The following DRC8 variants were observed in gnomAD, a reference collection of about 807,000 sequenced individuals.
DRC8 encodes the protein dynein regulatory complex subunit 8, also known as dynein regulatory complex protein 8.
the DRC8 span, among the ~76,000 whole-genome samples, chr1:245,005,712 T>G: frequency 6.6e-6 from 1 of 152,120 alleles, no homozygotes; most frequent in South Asian, 2.1e-4. Context: ...GTATGGAAAG[T>G]GAGACAAATA....
chr1:245,113,403 G>A, the DRC8 span, among the ~76,000 whole-genome samples: 2 of 152,154 alleles, frequency 1.3e-5, no homozygotes, highest in Admixed American at 1.3e-4. Flanking sequence ...ATATCGTCAC[G>A]TTACTCTGTT....
chr1:245,119,014 GGT>G, the DRC8 span, among the ~76,000 whole-genome samples: 1 of 152,168 alleles, frequency 6.6e-6, no homozygotes, highest in African/African-American at 2.4e-5. Flanking sequence ...GGCATTGTCT[GGT>G]TGCTGGTGGT....
chr1:245,033,844 C>T, the DRC8 span, among the ~76,000 whole-genome samples: 2 of 152,080 alleles, frequency 1.3e-5, no homozygotes, highest in Non-Finnish European at 2.9e-5. Context: ...GCCTCAGCCT[C>T]CCAAGTAGCT....
the DRC8 span, among the ~76,000 whole-genome samples, chr1:245,114,354 G>T: frequency 6.6e-6 from 1 of 151,938 alleles, no homozygotes; most frequent in Non-Finnish European, 1.5e-5. Flanking sequence ...AATCCCAGCT[G>T]CTTGGGAGGC....
At chr1:245,044,879 G>A in the DRC8 span, among the ~76,000 whole-genome samples, 1 of 151,896 alleles carries the variant, frequency 6.6e-6, no homozygotes, top group Non-Finnish European at 1.5e-5. Flanking sequence ...GGGATTACAG[G>A]TGTGAGCCAC....
At chr1:245,088,628 A>G in the DRC8 span, among the ~76,000 whole-genome samples, 74 of 152,348 alleles carry the variant, frequency 4.9e-4, no homozygotes, top group Admixed American at 1.3e-3. The surrounding 1 kb of genome is among the most constrained non-coding windows in gnomAD (Gnocchi z 4.6). Context: ...GGGCATGTTC[A>G]GGGTCCCGTG....
At chr1:245,065,314 A>G in the DRC8 span, among the ~76,000 whole-genome samples, 1 of 151,834 alleles carries the variant, frequency 6.6e-6, no homozygotes, top group Non-Finnish European at 1.5e-5. Context: ...CGGCCTCCCA[A>G]AGTGCTCGGA....
the DRC8 span, among the ~76,000 whole-genome samples, chr1:245,042,204 G>T: frequency 6.6e-6 from 1 of 152,198 alleles, no homozygotes; most frequent in Non-Finnish European, 1.5e-5. Flanking sequence ...GTGACCGTGT[G>T]GTTAAATTGT....
the DRC8 span, chr1:245,124,116 G>T: frequency 5.1e-6 from 1 of 194,400 alleles, no homozygotes; most frequent in Non-Finnish European, 1.1e-5. Context: ...GGCTGCAGTT[G>T]GAGATTCCAA....
At chr1:245,075,069 T>C in the DRC8 span, among the ~76,000 whole-genome samples, 14 of 152,244 alleles carry the variant, frequency 9.2e-5, no homozygotes, top group Admixed American at 2.6e-4. Flanking sequence ...TGGTTCAGTT[T>C]ATTGACTGAT....
the DRC8 span, among the ~76,000 whole-genome samples, chr1:244,978,411 T>A: frequency 6.6e-6 from 1 of 151,020 alleles, no homozygotes; most frequent in South Asian, 2.1e-4. Context: ...GAGAATCACT[T>A]GAACCCGGGA....
At chr1:245,106,560 C>G in the DRC8 span, among the ~76,000 whole-genome samples, 2 of 151,852 alleles carry the variant, frequency 1.3e-5, no homozygotes, top group East Asian at 3.8e-4. Flanking sequence ...GAAAAATGTT[C>G]ACACAACTCA....
chr1:244,985,754 C>T, the DRC8 span, among the ~76,000 whole-genome samples: 1 of 151,318 alleles, frequency 6.6e-6, no homozygotes, highest in African/African-American at 2.4e-5. Flanking sequence ...ATCTGAGCTA[C>T]TTGGGAGGCG....
At chr1:245,116,714 A>G in the DRC8 span, among the ~76,000 whole-genome samples, 1 of 152,242 alleles carries the variant, frequency 6.6e-6, no homozygotes, top group African/African-American at 2.4e-5. Context: ...ATCTTAAACT[A>G]TAGACACAAA....
the DRC8 span, among the ~76,000 whole-genome samples, chr1:245,006,549 C>T: frequency 6.6e-6 from 1 of 152,082 alleles, no homozygotes; most frequent in African/African-American, 2.4e-5. Context: ...AAGTGATCCA[C>T]CCACCTAGGC....
the DRC8 span, among the ~76,000 whole-genome samples, chr1:245,111,527 A>G: frequency 2.6e-5 from 4 of 152,220 alleles, no homozygotes; most frequent in African/African-American, 9.6e-5. Flanking sequence ...ACTCATATTT[A>G]TAGATTTTGG....
At chr1:245,007,394 T>A in the DRC8 span, among the ~76,000 whole-genome samples, 21 of 152,298 alleles carry the variant, frequency 1.4e-4, no homozygotes, top group Non-Finnish European at 7.3e-5. Context: ...ATGGAGACAT[T>A]TGAATATGGA....
At chr1:245,079,147 G>T in the DRC8 span, among the ~76,000 whole-genome samples, 1 of 152,066 alleles carries the variant, frequency 6.6e-6, no homozygotes, top group East Asian at 1.9e-4. Flanking sequence ...TAGAATTATT[G>T]TATAATTTTA....
the DRC8 span, among the ~76,000 whole-genome samples, chr1:244,973,550 A>T: frequency 5.3e-5 from 8 of 152,332 alleles, no homozygotes; most frequent in East Asian, 1.5e-3. Context: ...CTAAAAGTAC[A>T]CAAAACTCGT....
Sources: gnomAD v4.1 joint callset for allele counts (sites outside exome capture counted in the v4.1 genomes callset) on GRCh38, gnomAD v4.1.1 for gene constraint, Gnocchi (gnomAD v3.1) non-coding constraint, MANE v1.5 for transcripts, NCBI Gene and HGNC (gene_info 2026-07-23, HGNC 2026-07-21) for gene names.